Variants in ZNF44 observed in about 807,000 individuals in gnomAD.
ZNF44 encodes zinc finger protein 44.
ZNF44 carries 9 observed loss-of-function variants against 11.7 expected under a neutral mutation model. The ratio of observed to expected loss-of-function variants is 0.77; its 90% CI spans 0.46 to 1.35. The LOEUF (loss-of-function observed/expected upper bound fraction) is 1.35, where lower values mean the gene tolerates loss of function less well. Among genes scored for constraint, ZNF44 ranks in the 40% most tolerant of loss-of-function variants. The probability of loss-of-function intolerance (pLI) is 0.00; values close to 1 mark genes in which losing one functional copy is unlikely to be tolerated. For synonymous variants in ZNF44, 224 were observed against 242.7 expected (o/e 0.92, Z 0.72); for missense variants, 696 against 743.1 (o/e 0.94, Z 0.74).
chr19:12,255,384 C>G (rs2459045), intron 5 of ZNF44, among the ~76,000 whole-genome samples: 1 of 151,344 alleles, frequency 6.6e-6, no homozygotes, highest in East Asian at 1.9e-4. Flanking sequence ...ATTAAAAAAT[C>G]TAGTCAAGCT....
At chr19:12,285,785 G>A (rs539979355) in intron 1 of ZNF44, among the ~76,000 whole-genome samples, 4 of 152,150 alleles carry the variant, frequency 2.6e-5, no homozygotes, top group Non-Finnish European at 2.9e-5. Context: ...TTGGGAGGCC[G>A]AGGCTGGCGG....
chr19:12,273,780 A>AC lies in ZNF44; in HGVS notation c.474_475insG (p.Cys159ValfsTer2). 1 of 1,614,114 alleles carries AC rather than the reference A, an allele frequency of 6.2e-7. No homozygotes were observed. Among genetic ancestry groups the AC allele is most frequent in the South Asian group, 1.1e-5 (1 of 91,082 alleles). On this transcript the variant is annotated frameshift_variant, in exon 4 of 4. Coordinates refer to ENST00000355684, the MANE Select transcript of ZNF44 (RefSeq NM_016264.4). LOFTEE classifies it low-confidence loss of function (END_TRUNC). ...TTCTTTCCAGTGTGAGGCCTTTCAC[A>AC]TGTTTGAAAGGAGTGGCGATAACTT...
chr19:12,272,211 G>A lies in ZNF44; in HGVS notation c.*196C>T, dbSNP rs1177008477. 5.9e-6 allele frequency: 5 copies of A among 850,444 alleles called. No individual in the cohort carries two copies. The highest frequency in any genetic ancestry group is 6.3e-6 in the Non-Finnish European group (4 of 635,756). The allele number at this position is 850,444 out of a possible 1,614,324, so 52.7% of individuals were successfully genotyped here. ...AGTAGAGACAGGGTTTCCCATGTTAGCCAGGCTGGTCTCGATCTCCTGGCC... is the reference window on the plus strand; with the variant it reads ...AGTAGAGACAGGGTTTCCCATGTTAACCAGGCTGGTCTCGATCTCCTGGCC... On this transcript the variant is annotated 3_prime_UTR_variant, in exon 4 of 4. Transcript: ENST00000355684.
At position 12,272,772 on chromosome 19, in the gene ZNF44, CA is replaced by C; in HGVS notation, c.1482del (p.His494GlnfsTer26). On this transcript the variant is annotated frameshift_variant, in exon 4 of 4. Transcript: ENST00000355684. LOFTEE classifies it low-confidence loss of function (END_TRUNC). ...AFSSFKYFCR[H>X]ERTHSEEKSY... ...GATTTTTCTTCACTGTGAGTCCTTTCATGGCGACAAAAGTATTTAAAAGAAC... is the reference window on the plus strand; with the variant it reads ...GATTTTTCTTCACTGTGAGTCCTTTCTGGCGACAAAAGTATTTAAAAGAAC... 1 of 1,613,832 alleles carries C rather than the reference CA, an allele frequency of 6.2e-7. No homozygotes were observed. The highest frequency in any genetic ancestry group is 1.1e-5 in the South Asian group (1 of 91,068).
intron 1 of ZNF44, 90 bp downstream of exon 1, chr19:12,294,602 C>A: frequency 6.7e-7 from 1 of 1,501,530 alleles, no homozygotes; most frequent in Non-Finnish European, 9.0e-7. Flanking sequence ...AAAGACGCTG[C>A]GGCGAGGCCC....
chr19:12,274,990 AT>A lies in ZNF44; in HGVS notation c.173del (p.Asn58IlefsTer11). ...CAAATTACCTTGGATTTCTCCTGAG[AT>A]TTTGGTGCTGATCATCAATGTTCTG... is the stretch of plus-strand genomic sequence containing the variant. ...ENQNIDDQHQNLRRNPRCDVV... is the reference protein window; with the variant it reads ...ENQNIDDQHQXLRRNPRCDVV... On this transcript the variant is annotated frameshift_variant, in exon 3 of 4. Transcript: ENST00000355684. LOFTEE classifies it low-confidence loss of function (END_TRUNC). 1 of 1,588,834 alleles carries A rather than the reference AT, an allele frequency of 6.3e-7. No homozygotes were observed. Among genetic ancestry groups the A allele is most frequent in the Non-Finnish European group, 8.6e-7 (1 of 1,167,082 alleles).
upstream of ZNF44, among the ~76,000 whole-genome samples, chr19:12,242,207 G>A (rs1212328759): frequency 6.6e-6 from 1 of 151,822 alleles, no homozygotes; most frequent in African/African-American, 2.4e-5. Flanking sequence ...TACTATATTT[G>A]ACCTTAAAAA....
chr19:12,254,945 C>T (rs553494793), intron 5 of ZNF44, among the ~76,000 whole-genome samples: 1 of 151,898 alleles, frequency 6.6e-6, no homozygotes, highest in African/African-American at 2.4e-5. Flanking sequence ...AAAAATTAGC[C>T]AGGCATGGTG....
At chr19:12,269,206 G>C (rs1966886660), downstream of ZNF44, among the ~76,000 whole-genome samples, 2 of 152,076 alleles carry the variant, frequency 1.3e-5, no homozygotes, top group Admixed American at 1.3e-4. Flanking sequence ...CATGACATGA[G>C]AAAAATTGTG....
Position 12,272,985 on chromosome 19 carries a change from T to G in ZNF44, c.1270A>C (p.Lys424Gln). ...GTACGGAAGGCTTTCCCACATTGCT[T>G]GCATTCATAGGGTTTCTCTCCAGTG... Reference protein sequence around the residue: ...THTGEKPYECKQCGKAFRTSS... With the variant: ...THTGEKPYECQQCGKAFRTSS... Residue 424 changes from lysine (K) to glutamine (Q), a missense_variant, in exon 4 of 4, where the codon AAG becomes CAG. Transcript: ENST00000355684. The G allele has an allele frequency of 6.2e-7, 1 of 1,614,062 alleles. No homozygotes were observed. Among genetic ancestry groups the G allele is most frequent in the Non-Finnish European group, 8.5e-7 (1 of 1,179,994 alleles).
intron 5 of ZNF44, among the ~76,000 whole-genome samples, chr19:12,257,430 AC>A (rs1039087629): frequency 1.3e-5 from 2 of 151,898 alleles, no homozygotes; most frequent in Non-Finnish European, 2.9e-5. Context: ...AGGGTAGATC[AC>A]CTGAGGTCAG....
intron 2 of ZNF44, among the ~76,000 whole-genome samples, chr19:12,233,107 C>T (rs1416502579): frequency 1.3e-5 from 2 of 152,120 alleles, no homozygotes; most frequent in African/African-American, 4.8e-5. Flanking sequence ...AAAAACATTC[C>T]AGACTCCTCC....
intron 1 of ZNF44, among the ~76,000 whole-genome samples, chr19:12,235,512 G>A (rs979892451): frequency 4.6e-5 from 7 of 152,076 alleles, no homozygotes; most frequent in Non-Finnish European, 7.3e-5. Context: ...ACATTACAAA[G>A]GTGGAAAACT....
At chr19:12,248,269 C>G (rs911377671) in exon 8 of ZNF44, 2 of 1,296,680 alleles carry the variant, frequency 1.5e-6, no homozygotes, top group Non-Finnish European at 2.0e-6. Context: ...TTTCCACATT[C>G]TTTACACTTA....
At chr19:12,229,002 C>CTTTACTGTACCAGTAAGTTTTAAAGATTA (rs1916041259) in intron 3 of ZNF44, among the ~76,000 whole-genome samples, 1 of 152,202 alleles carries the variant, frequency 6.6e-6, no homozygotes, top group Non-Finnish European at 1.5e-5. Context: ...ACAGTTCTAA[C>CTTTACTGTACCAGTAAGTTTTAAAGATTA]TTTACTGTAC....
intron 1 of ZNF44, chr19:12,285,139 G>A: frequency 1.6e-6 from 1 of 619,990 alleles, no homozygotes; most frequent in Non-Finnish European, 2.9e-6. Context: ...ACCCACACCA[G>A]AGTCTCTGTG....
intron 5 of ZNF44, among the ~76,000 whole-genome samples, chr19:12,258,371 A>C (rs1257404262): frequency 6.7e-6 from 1 of 150,210 alleles, no homozygotes; most frequent in African/African-American, 2.5e-5. Context: ...ACTGGGGATA[A>C]CTGCCCCTTC....
downstream of ZNF44, among the ~76,000 whole-genome samples, chr19:12,268,182 A>ACACACACAC (rs1555739617): frequency 7.1e-4 from 71 of 99,550 alleles, no homozygotes; most frequent in South Asian, 5.8e-3. Flanking sequence ...ACACACACAC[A>ACACACACAC]AGCTCCTTCC....
At chr19:12,227,294 A>G (rs1012808182) in intron 3 of ZNF44, among the ~76,000 whole-genome samples, 6 of 152,040 alleles carry the variant, frequency 3.9e-5, no homozygotes, top group African/African-American at 1.4e-4. Context: ...ACAATTGTTT[A>G]TGGATGACAG....
Sources: gnomAD v4.1 joint callset for allele counts (sites outside exome capture counted in the v4.1 genomes callset) on GRCh38, gnomAD v4.1.1 for gene constraint, MANE v1.5 for transcripts, NCBI Gene and HGNC (gene_info 2026-07-23, HGNC 2026-07-21) for gene names.